The following CYLD variants were observed in gnomAD, a reference collection of about 807,000 sequenced individuals.
CYLD encodes the protein CYLD lysine 63 deubiquitinase.
In CYLD, 26 loss-of-function variants were observed where a neutral mutation model predicts 104.5. The ratio of observed to expected loss-of-function variants is 0.25; its 90% CI spans 0.18 to 0.35. The LOEUF is 0.35. CYLD is among the 10% of genes least tolerant of loss of function. CYLD has a pLI of 1.00. For synonymous variants in CYLD, 385 were observed against 399.9 expected, an observed-to-expected ratio of 0.96 and a Z score of 0.45; for missense variants, 703 against 1,136.1, an observed-to-expected ratio of 0.62 and a Z score of 5.48.
At chr16:50,763,028 C>T (rs1046406913) in intron 5 of CYLD, among the ~76,000 whole-genome samples, 3 of 152,138 alleles carry the variant, frequency 2.0e-5, no homozygotes, top group African/African-American at 7.2e-5. Context: ...CTCCCAAACC[C>T]TTCATCCTTG....
In CYLD at chr16:50,782,309, A is replaced by G; in HGVS notation, c.1685-16A>G. Reference sequence around the variant, plus strand: ...AGAATTCTTTTCATTTACTTTTTTTAAAAAAATCTTTTCAGCATTTGGAGG... The same window carrying G: ...AGAATTCTTTTCATTTACTTTTTTTGAAAAAATCTTTTCAGCATTTGGAGG... On this transcript the variant is annotated splice_polypyrimidine_tract_variant and intron_variant, in intron 10 of 18. Coordinates refer to ENST00000427738, the MANE Select transcript of CYLD (RefSeq NM_001378743.1). The G allele has an allele frequency of 6.5e-7, 1 of 1,548,932 alleles. No homozygotes were observed. Among genetic ancestry groups the G allele is most frequent in the Non-Finnish European group, 8.8e-7 (1 of 1,131,182 alleles).
chr16:50,791,775 A>T, intron 15 of CYLD, 85 bp downstream of exon 15: 1 of 1,463,888 alleles, frequency 6.8e-7, no homozygotes. Flanking sequence ...TATTGATTTT[A>T]ACTAGCTGAG....
intron 15 of CYLD, among the ~76,000 whole-genome samples, chr16:50,792,261 A>T (rs1029982753): frequency 9.2e-5 from 14 of 152,190 alleles, no homozygotes; most frequent in African/African-American, 2.4e-4. Flanking sequence ...TCCTTCTGTG[A>T]TGACATTTTC....
chr16:50,775,555 T>A (rs1969591652), intron 6 of CYLD, among the ~76,000 whole-genome samples: 1 of 152,222 alleles, frequency 6.6e-6, no homozygotes, highest in South Asian at 2.1e-4. Context: ...ACCAGAACTT[T>A]CTTTCCTAAC....
intron 5 of CYLD, among the ~76,000 whole-genome samples, chr16:50,771,680 C>A (rs1969169569): frequency 6.6e-6 from 1 of 152,146 alleles, no homozygotes. Flanking sequence ...CAAAAAGTTT[C>A]ATAGATTTAC....
At chr16:50,772,091 T>A (rs1443874754) in intron 5 of CYLD, among the ~76,000 whole-genome samples, 2 of 152,240 alleles carry the variant, frequency 1.3e-5, no homozygotes, top group Non-Finnish European at 2.9e-5. Flanking sequence ...CTATACAAAA[T>A]CTTCTTGAGA....
chr16:50,755,015 GTATATATACATAT>G (rs1966891375), intron 5 of CYLD, among the ~76,000 whole-genome samples: 3 of 8,376 alleles, frequency 3.6e-4, no homozygotes, highest in Non-Finnish European at 7.6e-4. Context: ...ACATATATAT[GTATATATACATAT>G]ATATGTATAT....
At position 50,748,169 on chromosome 16, in the gene CYLD, C is replaced by T. The variant is rs141918221; in HGVS notation, c.-123-1407C>T. ...GAATAATGGAAATGGATACCTCTATCTCAAGGAAGGATGAAATGAAAGTAC... is the reference window on the plus strand; with the variant it reads ...GAATAATGGAAATGGATACCTCTATTTCAAGGAAGGATGAAATGAAAGTAC... On this transcript the variant is annotated intron_variant, in intron 2 of 18. Coordinates refer to ENST00000427738, the MANE Select transcript of CYLD (RefSeq NM_001378743.1). Among the ~76,000 whole-genome samples the T allele has an allele frequency of 1.3e-3, 191 of 152,206 alleles. 1 individual carries two copies. Among genetic ancestry groups the T allele is most frequent in the African/African-American group, 4.6e-3 (189 of 41,506 alleles).
intron 5 of CYLD, among the ~76,000 whole-genome samples, chr16:50,758,275 G>A (rs994786704): frequency 3.9e-5 from 6 of 152,168 alleles, no homozygotes; most frequent in Non-Finnish European, 5.9e-5. Context: ...GCCCAAGGCC[G>A]CAGCCAGCGT....
At chr16:50,767,936 T>G (rs1482381752) in intron 5 of CYLD, among the ~76,000 whole-genome samples, 1 of 152,222 alleles carries the variant, frequency 6.6e-6, no homozygotes, top group East Asian at 1.9e-4. Flanking sequence ...TCTTCATTAG[T>G]AGTATTTATC....
intron 5 of CYLD, among the ~76,000 whole-genome samples, chr16:50,769,271 G>A (rs1968855395): frequency 6.6e-6 from 1 of 152,160 alleles, no homozygotes; most frequent in African/African-American, 2.4e-5. Flanking sequence ...CTTCCAAGCT[G>A]TGTTTCCAAA....
chr16:50,782,983 G>A (rs1457189043), intron 11 of CYLD, among the ~76,000 whole-genome samples: 2 of 140,738 alleles, frequency 1.4e-5, no homozygotes, highest in Admixed American at 7.5e-5. Context: ...GGAATGCAGC[G>A]GCACAATCTG....
In CYLD at chr16:50,800,294, G is replaced by A. The variant is rs549222528; in HGVS notation, c.*3786G>A. 6.4e-5 allele frequency: 15 copies of A among 233,346 alleles called. No homozygotes were observed. The highest frequency in any genetic ancestry group is 1.8e-4 in the South Asian group (1 of 5,520). The allele number at this position is 233,346 out of a possible 1,614,324, so 14.5% of individuals were successfully genotyped here. ...GTGAGGGAATCCCCAGGGGAATCTC[G>A]TGACCAGCCAGGTGTGAAATCTGCT... On this transcript the variant is annotated 3_prime_UTR_variant, in exon 19 of 19. Transcript: ENST00000427738.
intron 4 of CYLD, among the ~76,000 whole-genome samples, chr16:50,754,041 T>G (rs2150911265): frequency 6.6e-6 from 1 of 152,278 alleles, no homozygotes; most frequent in African/African-American, 2.4e-5. Flanking sequence ...CAGTAAAGTA[T>G]GAAAAAAACA....
At chr16:50,766,103 T>C (rs191739229) in intron 5 of CYLD, among the ~76,000 whole-genome samples, 1 of 152,358 alleles carries the variant, frequency 6.6e-6, no homozygotes, top group East Asian at 1.9e-4. Flanking sequence ...CATCTAAGAC[T>C]TTCATAGCTG....
At chr16:50,796,005 A>C (rs1307838349) in intron 18 of CYLD, among the ~76,000 whole-genome samples, 2 of 152,204 alleles carry the variant, frequency 1.3e-5, no homozygotes, top group African/African-American at 2.4e-5. Flanking sequence ...AGGAAATGAA[A>C]TGTGAGGAAC....
Position 50,744,728 on chromosome 16 carries a change from A to G in CYLD, c.-124+1887A>G, listed in dbSNP as rs998711442. 3.9e-5 allele frequency: 6 copies of G among 152,486 alleles called. No homozygotes were observed. The South Asian group carries it at 1.0e-3, about 26-fold the overall frequency. The allele number at this position is 152,486 out of a possible 1,614,324, so 9.4% of individuals were successfully genotyped here. ...TCATTTGTACTATATGTTGCCTTTC[A>G]GAATGTGGTAATTGTAATCTTTAAC... is the stretch of plus-strand genomic sequence containing the variant. On this transcript the variant is annotated intron_variant, in intron 2 of 18. Coordinates refer to ENST00000427738, the MANE Select transcript of CYLD (RefSeq NM_001378743.1).
chr16:50,777,280 C>T (rs1045989370), intron 7 of CYLD, among the ~76,000 whole-genome samples: 9 of 152,052 alleles, frequency 5.9e-5, no homozygotes, highest in South Asian at 2.1e-4. Flanking sequence ...CGCCCTCTCA[C>T]GTATAATAAA....
chr16:50,746,745 A>G (rs1166209210), intron 2 of CYLD, among the ~76,000 whole-genome samples: 1 of 151,984 alleles, frequency 6.6e-6, no homozygotes, highest in African/African-American at 2.4e-5. Context: ...TTTACTGTGG[A>G]TTCTCTTCCT....
Sources: gnomAD v4.1 joint callset for allele counts (sites outside exome capture counted in the v4.1 genomes callset) on GRCh38, gnomAD v4.1.1 for gene constraint, MANE v1.5 for transcripts, NCBI Gene and HGNC (gene_info 2026-07-23, HGNC 2026-07-21) for gene names.